The following RBX1 variants were observed in gnomAD, a reference collection of about 807,000 sequenced individuals.
RBX1 encodes the protein ring-box 1, also known as E3 ubiquitin-protein ligase RBX1.
For missense variants in RBX1, 46 were observed against 141.4 expected (o/e 0.33, Z 3.42); for synonymous variants, 48 against 47.9 (o/e 1.00, Z -0.01).
chr22:40,951,662 G>T (rs1455871879), intron 1 of RBX1, among the ~76,000 whole-genome samples, 186 bp downstream of exon 1: 6 of 152,170 alleles, frequency 3.9e-5, no homozygotes, highest in Non-Finnish European at 7.4e-5. Flanking sequence ...CCACTGTTGG[G>T]GGAAGTGTTG....
intron 2 of RBX1, among the ~76,000 whole-genome samples, chr22:40,958,560 G>C (rs2058331659): frequency 6.6e-6 from 1 of 152,086 alleles, no homozygotes; most frequent in Admixed American, 6.6e-5. Context: ...TATTGATTCT[G>C]CATGCCCTCC....
At chr22:40,951,616 G>C in intron 1 of RBX1, 140 bp downstream of exon 1, 1 of 778,564 alleles carries the variant, frequency 1.3e-6, no homozygotes, top group East Asian at 2.7e-5. Context: ...AGGAAGCCGG[G>C]GGGCGGGTCT....
intron 1 of RBX1, among the ~76,000 whole-genome samples, chr22:40,951,726 G>A (rs1057448198): frequency 3.3e-5 from 5 of 151,784 alleles, no homozygotes; most frequent in African/African-American, 1.2e-4. Context: ...GAGATACGCG[G>A]GGTTGCGACT....
intron 4 of RBX1, among the ~76,000 whole-genome samples, chr22:40,971,206 C>G (rs2058368192): frequency 6.6e-6 from 1 of 152,194 alleles, no homozygotes; most frequent in African/African-American, 2.4e-5. Context: ...GGCTTTGACT[C>G]TGCCACTCTA....
chr22:40,956,870 C>A (rs1294101914), intron 2 of RBX1, among the ~76,000 whole-genome samples: 2 of 151,478 alleles, frequency 1.3e-5, no homozygotes, highest in Admixed American at 1.3e-4. Context: ...CCCGTCTCCA[C>A]TAAAAATACA....
At chr22:40,968,653 G>C (rs2058360408) in intron 4 of RBX1, among the ~76,000 whole-genome samples, 1 of 152,062 alleles carries the variant, frequency 6.6e-6, no homozygotes, top group African/African-American at 2.4e-5. Flanking sequence ...AATTTAAATG[G>C]TTGAAAGGGT....
intron 1 of RBX1, among the ~76,000 whole-genome samples, chr22:40,951,815 G>A (rs1275065515): frequency 5.3e-5 from 8 of 149,644 alleles, no homozygotes; most frequent in African/African-American, 1.7e-4. Context: ...GTGGGGTGGG[G>A]TGGGTGGAAT....
At chr22:40,952,348 G>A (rs183362141) in intron 1 of RBX1, among the ~76,000 whole-genome samples, 1 of 152,298 alleles carries the variant, frequency 6.6e-6, no homozygotes, top group Non-Finnish European at 1.5e-5. Flanking sequence ...TGTTCAAAAT[G>A]GAGATTCTAA....
chr22:40,971,568 T>TA (rs1390162576), intron 4 of RBX1, among the ~76,000 whole-genome samples: 2 of 152,082 alleles, frequency 1.3e-5, no homozygotes, highest in Non-Finnish European at 2.9e-5. Flanking sequence ...TATATATATA[T>TA]TTTTTGAGAC....
intron 2 of RBX1, among the ~76,000 whole-genome samples, chr22:40,959,725 C>G (rs1026979505): frequency 1.3e-5 from 2 of 151,594 alleles, no homozygotes; most frequent in African/African-American, 4.9e-5. Flanking sequence ...GCGGGAGAAT[C>G]ACTTGAACCT....
At chr22:40,960,925 GTTAA>G (rs902643247) in intron 2 of RBX1, among the ~76,000 whole-genome samples, 86 of 151,468 alleles carry the variant, frequency 5.7e-4, no homozygotes, top group African/African-American at 2.0e-3. Flanking sequence ...ACCACACCCG[GTTAA>G]TTGTTTGTAT....
At chr22:40,969,264 A>G (rs1224251188) in intron 4 of RBX1, among the ~76,000 whole-genome samples, 2 of 152,168 alleles carry the variant, frequency 1.3e-5, no homozygotes, top group Non-Finnish European at 2.9e-5. Context: ...GTGGGCTGAG[A>G]TCGCACCATC....
At chr22:40,966,586 T>C (rs1220447736) in intron 3 of RBX1, 2 of 152,242 alleles carry the variant, frequency 1.3e-5, no homozygotes, top group Non-Finnish European at 2.9e-5. Flanking sequence ...TCTAAGAGAA[T>C]ATTTGTCCTC....
intron 1 of RBX1, among the ~76,000 whole-genome samples, chr22:40,952,983 CTTTTTTTT>C (rs34618218): frequency 6.9e-5 from 6 of 86,872 alleles, no homozygotes; most frequent in South Asian, 5.2e-4. Flanking sequence ...AGTTTGTGCC[CTTTTTTTT>C]TTTTTTTTTT....
At chr22:40,956,340 G>A (rs1569042686) in intron 2 of RBX1, among the ~76,000 whole-genome samples, 1 of 150,588 alleles carries the variant, frequency 6.6e-6, no homozygotes, top group Non-Finnish European at 1.5e-5. Flanking sequence ...TATATCCTGA[G>A]CATCCTGGTA....
At chr22:40,959,155 A>G (rs1338881072) in intron 2 of RBX1, among the ~76,000 whole-genome samples, 2 of 152,138 alleles carry the variant, frequency 1.3e-5, no homozygotes, top group South Asian at 4.1e-4. Context: ...TACTCTTGAG[A>G]TGAAGCCATT....
At chr22:40,961,081 C>CTTTTTTTTTTT (rs61092253) in intron 2 of RBX1, among the ~76,000 whole-genome samples, 15 of 107,670 alleles carry the variant, frequency 1.4e-4, no homozygotes, top group African/African-American at 5.5e-4. Flanking sequence ...CGTGCCTGGC[C>CTTTTTTTTTTT]TTTTTTTTTT....
chr22:40,965,316 T>C (rs2058351149), intron 3 of RBX1, among the ~76,000 whole-genome samples: 1 of 151,308 alleles, frequency 6.6e-6, no homozygotes, highest in African/African-American at 2.4e-5. Context: ...AAAAAAAAAA[T>C]CTAAATAAAT....
intron 2 of RBX1, among the ~76,000 whole-genome samples, chr22:40,957,451 G>C (rs111298861): frequency 1.3e-5 from 2 of 151,266 alleles, no homozygotes; most frequent in African/African-American, 4.9e-5. Context: ...TTCAAGACCA[G>C]CCTGGGCAAC....
Sources: allele counts gnomAD v4.1 joint callset (sites outside exome capture counted in the v4.1 genomes callset), GRCh38; gene constraint gnomAD v4.1.1; transcripts MANE v1.5; gene names NCBI Gene and HGNC (gene_info 2026-07-23, HGNC 2026-07-21).